Variants in SPDEF observed in about 807,000 individuals in gnomAD.
The protein encoded by SPDEF is SAM pointed domain-containing Ets transcription factor.
Under a neutral mutation model 36.0 loss-of-function variants are expected in SPDEF, and 12 were observed. The observed-to-expected ratio is 0.33, with a 90% CI of 0.21 to 0.54. SPDEF has a LOEUF of 0.54. SPDEF is among the 20% of genes least tolerant of loss of function. SPDEF has a pLI of 0.93. For missense variants in SPDEF, 388 were observed against 456.9 expected, an observed-to-expected ratio of 0.85 and a Z score of 1.37; for synonymous variants, 205 against 193.0, an observed-to-expected ratio of 1.06 and a Z score of -0.51.
At chr6:34,542,857 C>A (rs946513153) in intron 2 of SPDEF, among the ~76,000 whole-genome samples, 4 of 142,428 alleles carry the variant, frequency 2.8e-5, no homozygotes, top group African/African-American at 1.1e-4. Flanking sequence ...CCACTGCACT[C>A]CAGCCTCAGT....
rs187902419 is a variant in SPDEF at position 34,552,308 on chromosome 6, T to C, written c.-30+3621A>G. 2.7e-3 allele frequency among the ~76,000 whole-genome samples: 409 copies of C among 152,304 alleles called. 4 individuals carry two copies. Among genetic ancestry groups the C allele is most frequent in the African/African-American group, 9.3e-3 (386 of 41,570 alleles). On this transcript the variant is annotated intron_variant, in intron 1 of 5. Coordinates refer to ENST00000374037, the MANE Select transcript of SPDEF (RefSeq NM_012391.3). The surrounding 1 kb of genome is among the most constrained non-coding windows in gnomAD (Gnocchi z 4.6). ...CCCACAGCCCTGCCCAGCAGGGTCG[T>C]TGAGGGCATGAGAACACACGGATGT... is the stretch of plus-strand genomic sequence containing the variant.
chr6:34,544,246 G>A lies in SPDEF; in HGVS notation c.210C>T (p.Asp70=). The change falls in exon 2 of 6, where the codon GAC becomes GAT. Residue 70 remains aspartate, a synonymous_variant. Coordinates refer to ENST00000374037, the MANE Select transcript of SPDEF (RefSeq NM_012391.3). The surrounding 1 kb of genome is among the most constrained non-coding windows in gnomAD (Gnocchi z 4.4). ...CAGGGGCCTTGGCTGCCCAGCTGCT[G>A]TCCTCAGGGTACAGCATGTCAAAGT... ...LSYFDMLYPE[D]SSWAAKAPGA... The A allele has an allele frequency of 6.2e-7, 1 of 1,613,822 alleles. No individual in the cohort carries two copies. The highest frequency in any genetic ancestry group is 8.5e-7 in the Non-Finnish European group (1 of 1,179,954).
chr6:34,542,886 C>CAAAAAAAAA (rs758431726), intron 2 of SPDEF, among the ~76,000 whole-genome samples: 1 of 53,562 alleles, frequency 1.9e-5, no homozygotes, highest in African/African-American at 6.5e-5. Context: ...GAGACCCTGT[C>CAAAAAAAAA]AAAAAAAAAA....
At chr6:34,548,885 T>C (rs747758314) in intron 1 of SPDEF, among the ~76,000 whole-genome samples, 2 of 152,082 alleles carry the variant, frequency 1.3e-5, no homozygotes, top group Non-Finnish European at 2.9e-5. Flanking sequence ...GGTCCACCCA[T>C]GGGGACACAT....
intron 1 of SPDEF, among the ~76,000 whole-genome samples, chr6:34,545,165 G>T (rs559073382): frequency 1.3e-5 from 2 of 152,274 alleles, no homozygotes; most frequent in South Asian, 4.1e-4. Context: ...CCCCAGGCTG[G>T]GTGCATGGTA....
rs111904169 is a variant in SPDEF, at chr6:34,544,765, T to C, written c.-29-281A>G. ...GAGCAGCAAAGCTCCACACATGTAC[T>C]GTGCTTAAAACAGCCTTCTGAGGTT... is the stretch of plus-strand genomic sequence containing the variant. On this transcript the variant is annotated intron_variant, in intron 1 of 5. Coordinates refer to ENST00000374037, the MANE Select transcript of SPDEF (RefSeq NM_012391.3). The surrounding 1 kb of genome is among the most constrained non-coding windows in gnomAD (Gnocchi z 4.4). Among the ~76,000 whole-genome samples the C allele has an allele frequency of 8.5e-5, 13 of 152,344 alleles. No individual in the cohort carries two copies. Among genetic ancestry groups the C allele is most frequent in the African/African-American group, 3.1e-4 (13 of 41,572 alleles).
At chr6:34,550,224 C>T (rs555076980) in intron 1 of SPDEF, among the ~76,000 whole-genome samples, 1 of 152,370 alleles carries the variant, frequency 6.6e-6, no homozygotes, top group South Asian at 2.1e-4. Context: ...CCCTTCTCTG[C>T]TCCTCCAACC....
Position 34,544,791 on chromosome 6 carries a change from C to G in SPDEF, c.-29-307G>C, listed in dbSNP as rs1436759488. ...GTGCTTAAAACAGCCTTCTGAGGTT[C>G]CTGACCTCATTCAGCCCTCACAATG... On this transcript the variant is annotated intron_variant, in intron 1 of 5. Transcript: ENST00000374037. The surrounding 1 kb of genome is among the most constrained non-coding windows in gnomAD (Gnocchi z 4.4). 6.6e-6 allele frequency among the ~76,000 whole-genome samples: 1 copy of G among 152,246 alleles called. No homozygotes were observed. The highest frequency in any genetic ancestry group is 1.5e-5 in the Non-Finnish European group (1 of 68,032).
At position 34,539,685 on chromosome 6, in the gene SPDEF, C is replaced by A. The variant is rs1767777936; in HGVS notation, c.635-123G>T. On this transcript the variant is annotated intron_variant, in intron 3 of 5. Coordinates refer to ENST00000374037, the MANE Select transcript of SPDEF (RefSeq NM_012391.3). This position sits in a 1 kb window ranked among gnomAD's most constrained non-coding sequence, Gnocchi z 5.2. ...CTGTGGCTGGGGGTTGCCCCTGTGG[C>A]TCCCTGCCTCCTGCCAACCTGGGGA... The A allele has an allele frequency of 3.6e-6, 4 of 1,114,252 alleles. No individual in the cohort carries two copies. Among genetic ancestry groups the A allele is most frequent in the East Asian group, 5.2e-5 (2 of 38,752 alleles). The allele number at this position is 1,114,252 out of a possible 1,614,324, so 69.0% of individuals were successfully genotyped here.
chr6:34,550,632 C>A (rs1768039379), intron 1 of SPDEF, among the ~76,000 whole-genome samples: 1 of 152,192 alleles, frequency 6.6e-6, no homozygotes, highest in Non-Finnish European at 1.5e-5. Flanking sequence ...GGCCAACTGT[C>A]CCCCTAACAA....
intron 1 of SPDEF, among the ~76,000 whole-genome samples, chr6:34,547,426 C>T (rs566782995): frequency 6.6e-6 from 1 of 152,304 alleles, no homozygotes; most frequent in African/African-American, 2.4e-5. Flanking sequence ...AGTGCAGGGG[C>T]ATGATCATGG....
In SPDEF at chr6:34,544,564, G is replaced by C. The variant is rs1001760554; in HGVS notation, c.-29-80C>G. The C allele has an allele frequency of 8.3e-7, 1 of 1,201,340 alleles. No homozygotes were observed. Among genetic ancestry groups the C allele is most frequent in the Non-Finnish European group, 1.1e-6 (1 of 890,854 alleles). The allele number at this position is 1,201,340 out of a possible 1,614,324, so 74.4% of individuals were successfully genotyped here. A position where few individuals can be genotyped will look rare whatever the true frequency, so the allele number is the denominator to read the frequency against. ...CGCTAAGCTGGTTATGGGGATGAGG[G>C]GCCCTGTGGACAGTGGGCTGGGCCT... is the stretch of plus-strand genomic sequence containing the variant. On this transcript the variant is annotated intron_variant, in intron 1 of 5. Coordinates refer to ENST00000374037, the MANE Select transcript of SPDEF (RefSeq NM_012391.3). The surrounding 1 kb of genome is among the most constrained non-coding windows in gnomAD (Gnocchi z 4.4).
intron 1 of SPDEF, among the ~76,000 whole-genome samples, chr6:34,546,457 T>G (rs1767955669): frequency 1.3e-5 from 2 of 152,130 alleles, no homozygotes; most frequent in Admixed American, 1.3e-4. Context: ...TGGCATTTGC[T>G]TCTGCAGGTG....
intron 1 of SPDEF, among the ~76,000 whole-genome samples, chr6:34,546,999 C>A (rs931014455): frequency 6.7e-6 from 1 of 149,226 alleles, no homozygotes; most frequent in Non-Finnish European, 1.5e-5. Context: ...GGGACCCCCC[C>A]CCGCAGCCCC....
At chr6:34,553,556 G>T (rs1768107039) in intron 1 of SPDEF, among the ~76,000 whole-genome samples, 1 of 152,176 alleles carries the variant, frequency 6.6e-6, no homozygotes, top group Non-Finnish European at 1.5e-5. Context: ...GGGCTGTCAA[G>T]AGTATGTCTT....
intron 1 of SPDEF, among the ~76,000 whole-genome samples, chr6:34,549,976 G>C (rs1254583812): frequency 6.6e-6 from 1 of 152,222 alleles, no homozygotes; most frequent in Non-Finnish European, 1.5e-5. Flanking sequence ...GTCAGGGGCT[G>C]TGGAGGTGAG....
At chr6:34,542,145 G>A (rs1031175179) in intron 2 of SPDEF, among the ~76,000 whole-genome samples, 2 of 152,212 alleles carry the variant, frequency 1.3e-5, no homozygotes, top group Admixed American at 6.5e-5. Flanking sequence ...TTGGGGCATC[G>A]GCAGGAGCAG....
intron 1 of SPDEF, among the ~76,000 whole-genome samples, chr6:34,550,800 C>T (rs1276172927): frequency 3.9e-5 from 6 of 152,116 alleles, no homozygotes; most frequent in African/African-American, 9.7e-5. Flanking sequence ...AGCAGGAAGA[C>T]GGGGCACTGG....
chr6:34,551,445 C>T (rs1768060947), intron 1 of SPDEF, among the ~76,000 whole-genome samples: 1 of 152,230 alleles, frequency 6.6e-6, no homozygotes, highest in African/African-American at 2.4e-5. Context: ...TGGGTGAGTC[C>T]CTGGTCCCTC....
Sources: allele counts gnomAD v4.1 joint callset (sites outside exome capture counted in the v4.1 genomes callset), GRCh38; gene constraint gnomAD v4.1.1; non-coding constraint Gnocchi (gnomAD v3.1); transcripts MANE v1.5; gene names NCBI Gene and HGNC (gene_info 2026-07-23, HGNC 2026-07-21).